Variants in DNAJB14 observed in about 807,000 individuals in gnomAD.
The protein encoded by DNAJB14 is DnaJ heat shock protein family (Hsp40) member B14.
DNAJB14 carries 22 observed loss-of-function variants against 48.4 expected under a neutral mutation model. The observed-to-expected ratio is 0.45, with a 90% CI of 0.32 to 0.65. The LOEUF (loss-of-function observed/expected upper bound fraction) is 0.65. Among genes scored for constraint, DNAJB14 ranks in the 30% least tolerant of loss-of-function variants. The pLI is 0.03. For synonymous variants in DNAJB14, 142 were observed against 158.7 expected (o/e 0.89, Z 0.79); for missense variants, 319 against 458.8 (o/e 0.70, Z 2.78).
At chr4:99,909,711 T>C (rs550107406) in intron 3 of DNAJB14, among the ~76,000 whole-genome samples, 1 of 152,104 alleles carries the variant, frequency 6.6e-6, no homozygotes, top group East Asian at 1.9e-4. Flanking sequence ...TAAAACAGCA[T>C]AAGCATTTCC....
At chr4:99,915,427 G>A (rs192833011) in intron 3 of DNAJB14, among the ~76,000 whole-genome samples, 7 of 152,268 alleles carry the variant, frequency 4.6e-5, no homozygotes, top group Non-Finnish European at 7.4e-5. Context: ...GTGAGCCACT[G>A]TGCCTGGCCA....
chr4:99,906,586 T>C lies in DNAJB14; in HGVS notation c.663A>G (p.Gly221=), dbSNP rs1480492506. The C allele has an allele frequency of 3.7e-6, 6 of 1,611,410 alleles. No homozygotes were observed. Among genetic ancestry groups the C allele is most frequent in the Non-Finnish European group, 4.2e-6 (5 of 1,179,506 alleles). Residue 221 remains glycine (G), a synonymous_variant, in exon 5 of 8, where the codon GGA becomes GGG. Transcript: ENST00000442697. The stretch of plus-strand genomic sequence containing the variant: ...GATGTTGTTGGCTATAACCAGCTCT[T>C]CCATTTGAAAAAGAATGTACACTAC... The part of the protein sequence containing the change: ...PSGSVHSFSN[G]RAGYSQQHQH...
intron 1 of DNAJB14, among the ~76,000 whole-genome samples, chr4:99,943,428 T>C (rs1438517631): frequency 6.6e-6 from 1 of 152,194 alleles, no homozygotes; most frequent in East Asian, 1.9e-4. Flanking sequence ...TTTATTCAAA[T>C]TGTTTGCATG....
At chr4:99,931,868 G>A (rs77680859) in intron 1 of DNAJB14, among the ~76,000 whole-genome samples, 3,221 of 152,054 alleles carry the variant, frequency 0.021, 39 homozygotes, top group Middle Eastern at 0.041. Flanking sequence ...TAGACAGCTT[G>A]TGTATCAAAG....
chr4:99,925,839 AT>A lies in DNAJB14; in HGVS notation c.306-2655del, dbSNP rs1726231184. ...GCAGGCCTTCTATTTCAAATAAGTA[AT>A]AAAGGAAGGCCTCACAGTTAAGAAT... On this transcript the variant is annotated intron_variant, in intron 2 of 7. Transcript: ENST00000442697. 1.3e-5 allele frequency: 2 copies of A among 152,216 alleles called. 1 individual carries two copies. Among genetic ancestry groups the A allele is most frequent in the South Asian group, 4.1e-4 (2 of 4,838 alleles). The allele number at this position is 152,216 out of a possible 1,614,324, so 9.4% of individuals were successfully genotyped here.
chr4:99,923,705 T>C, intron 2 of DNAJB14: 1 of 982,714 alleles, frequency 1.0e-6, no homozygotes, highest in African/African-American at 1.7e-5. Flanking sequence ...TGTCAATATT[T>C]ATTTATTTTT....
In DNAJB14 at chr4:99,908,866, T is replaced by A; in HGVS notation, c.482A>T (p.Asn161Ile). Residue 161 changes from asparagine to isoleucine, a missense_variant, in exon 4 of 8, where the codon AAT (asparagine) becomes ATT (isoleucine). This residue lies in a region of DNAJB14 where 37 missense variants were observed against 87.8 expected (regional missense o/e 0.42). Transcript: ENST00000442697. ...GTCATACTGTTTTCGCTTTTCTGGA[T>A]TACTTAAAACAGCATAAGCATTTCC... is the stretch of plus-strand genomic sequence containing the variant. ...KIGNAYAVLS[N>I]PEKRKQYDLT... 5.6e-6 allele frequency: 9 copies of A among 1,595,706 alleles called. No individual in the cohort carries two copies. The highest frequency in any genetic ancestry group is 7.7e-6 in the Non-Finnish European group (9 of 1,172,842).
rs1002855756 is a variant in DNAJB14 at position 99,897,812 on chromosome 4, C to T, written c.*3216G>A. ...GAAGATGGATAGTAATAGGATAGTA[C>T]TGAACCCAAGCTTCACATGGGGAAG... On this transcript the variant is annotated 3_prime_UTR_variant, in exon 8 of 8. Coordinates refer to ENST00000442697, the MANE Select transcript of DNAJB14 (RefSeq NM_001031723.4). The T allele has an allele frequency of 6.6e-6, 1 of 151,966 alleles. No individual in the cohort carries two copies. The highest frequency in any genetic ancestry group is 1.5e-5 in the Non-Finnish European group (1 of 67,876). 9.4% of individuals were successfully genotyped at this position (151,966 alleles called of 1,614,324 possible). A position where few individuals can be genotyped will look rare whatever the true frequency, so the allele number is the denominator to read the frequency against.
Position 99,922,912 on chromosome 4 carries a change from T to C in DNAJB14, c.451+128A>G, listed in dbSNP as rs536864723. On this transcript the variant is annotated intron_variant, in intron 3 of 7. Coordinates refer to ENST00000442697, the MANE Select transcript of DNAJB14 (RefSeq NM_001031723.4). Reference sequence around the variant, plus strand: ...CAGTTAATACTGAAGTTTTAAAGGATTTTCCAGACTCTTGCTTGTGCTGGT... The same window carrying C: ...CAGTTAATACTGAAGTTTTAAAGGACTTTCCAGACTCTTGCTTGTGCTGGT... 12 of 1,091,990 alleles carry C rather than the reference T, an allele frequency of 1.1e-5. No individual in the cohort carries two copies. In the South Asian group the frequency reaches 1.8e-4, roughly 16 times the overall value. 67.6% of individuals were successfully genotyped at this position (1,091,990 alleles called of 1,614,324 possible).
chr4:99,923,967 G>A (rs1726155343), intron 2 of DNAJB14: 3 of 673,058 alleles, frequency 4.5e-6, no homozygotes, highest in Non-Finnish European at 5.5e-6. Flanking sequence ...CATTTCTAAA[G>A]ATTATATACA....
chr4:99,908,726 C>T lies in DNAJB14; in HGVS notation c.622G>A (p.Gly208Ser). 1 of 1,588,716 alleles carries T rather than the reference C, an allele frequency of 6.3e-7. No homozygotes were observed. ...PEDLFNIFFG[G>S]GFPSGSVHSF... ...ATTAAAATACCTGAAGGAAATCCAC[C>T]CCCAAAAAATATATTAAACAAGTCT... Residue 208 changes from glycine to serine, a missense_variant, in exon 4 of 8, where the codon GGT becomes AGT. By Grantham distance (56) the Gly-to-Ser change is moderately conservative. This residue lies in a region of DNAJB14 where 166 missense variants were observed against 236.3 expected (regional missense o/e 0.70). Transcript: ENST00000442697.
At chr4:99,916,895 G>A (rs1725876504) in intron 3 of DNAJB14, among the ~76,000 whole-genome samples, 1 of 152,168 alleles carries the variant, frequency 6.6e-6, no homozygotes, top group Admixed American at 6.5e-5. Flanking sequence ...AGCACTTTGG[G>A]AGGCTGAGGC....
Position 99,946,453 on chromosome 4 carries a change from A to C in DNAJB14, c.119T>G (p.Leu40Arg). 1.2e-6 allele frequency: 2 copies of C among 1,612,912 alleles called. No individual in the cohort carries two copies. Among genetic ancestry groups the C allele is most frequent in the Non-Finnish European group, 8.5e-7 (1 of 1,179,428 alleles). The change falls in exon 1 of 8, where the codon CTG (leucine) becomes CGG (arginine). Residue 40 changes from leucine (L) to arginine (R), a missense_variant. Leu to Arg is a moderately radical substitution (Grantham distance 102). This residue lies in a region of DNAJB14 where 116 missense variants were observed against 134.6 expected (regional missense o/e 0.86). Coordinates refer to ENST00000442697, the MANE Select transcript of DNAJB14 (RefSeq NM_001031723.4). ...TGAGGTCTCACCGCGGGCCGAGGGC[A>C]GTGGGTAGAGCTTCTCGGCCTTCTG... ...FLQKAEKLYP[L>R]PSARALLEII...
chr4:99,934,706 T>C (rs762609876), intron 1 of DNAJB14, among the ~76,000 whole-genome samples: 32 of 141,982 alleles, frequency 2.3e-4, no homozygotes, highest in African/African-American at 5.4e-4. Context: ...GGTGGGAGAA[T>C]TGCTTGAACC....
chr4:99,933,122 T>C (rs546712300), intron 1 of DNAJB14, among the ~76,000 whole-genome samples: 1 of 152,206 alleles, frequency 6.6e-6, no homozygotes, highest in Non-Finnish European at 1.5e-5. Context: ...CTGAATGGTA[T>C]AATTGAAATG....
At position 99,898,405 on chromosome 4, in the gene DNAJB14, A is replaced by G. The variant is rs922478300; in HGVS notation, c.*2623T>C. The G allele has an allele frequency of 6.6e-6, 1 of 152,022 alleles. No individual in the cohort carries two copies. Among genetic ancestry groups the G allele is most frequent in the African/African-American group, 2.4e-5 (1 of 41,452 alleles). The allele number at this position is 152,022 out of a possible 1,614,324, so 9.4% of individuals were successfully genotyped here. ...AGATGAATTCAACTTGACATTTTTC[A>G]TTGCTGAGAATTCAGTTCACATTTA... On this transcript the variant is annotated 3_prime_UTR_variant, in exon 8 of 8. Coordinates refer to ENST00000442697, the MANE Select transcript of DNAJB14 (RefSeq NM_001031723.4).
Position 99,897,056 on chromosome 4 carries a change from A to C in DNAJB14, c.*3972T>G, listed in dbSNP as rs1018695611. ...TATGAAAAAGAGCAACAAATAATTCACACCAATGAAATTGTGTTGACTGAT... is the reference window on the plus strand; with the variant it reads ...TATGAAAAAGAGCAACAAATAATTCCCACCAATGAAATTGTGTTGACTGAT... On this transcript the variant is annotated 3_prime_UTR_variant, in exon 8 of 8. Coordinates refer to ENST00000442697, the MANE Select transcript of DNAJB14 (RefSeq NM_001031723.4). 6.6e-6 allele frequency: 1 copy of C among 152,088 alleles called. No individual in the cohort carries two copies. The highest frequency in any genetic ancestry group is 2.4e-5 in the African/African-American group (1 of 41,448). 9.4% of individuals were successfully genotyped at this position (152,088 alleles called of 1,614,324 possible).
At chr4:99,926,678 A>C (rs1228523642) in intron 2 of DNAJB14, 1 of 151,944 alleles carries the variant, frequency 6.6e-6, no homozygotes, top group Non-Finnish European at 1.5e-5. Flanking sequence ...CTGTAGACAA[A>C]GTAGGTGAAA....
At chr4:99,929,395 A>T in intron 2 of DNAJB14, 1 of 152,198 alleles carries the variant, frequency 6.6e-6, no homozygotes, top group Admixed American at 6.5e-5. Flanking sequence ...ACTCAGTCAG[A>T]GAATCGTTTT....
Sources: allele counts gnomAD v4.1 joint callset (sites outside exome capture counted in the v4.1 genomes callset), GRCh38; gene constraint gnomAD v4.1.1; regional missense constraint gnomAD v4.1.1; transcripts MANE v1.5; gene names NCBI Gene and HGNC (gene_info 2026-07-23, HGNC 2026-07-21).